The following NPAS3 variants were observed in gnomAD, a reference collection of about 807,000 sequenced individuals.
NPAS3 encodes neuronal PAS domain-containing protein 3.
In NPAS3, 14 loss-of-function variants were observed where a neutral mutation model predicts 73.1. The observed-to-expected ratio is 0.19, with a 90% confidence interval of 0.13 to 0.30. NPAS3 has a LOEUF of 0.30. Among genes scored for constraint, NPAS3 ranks in the 10% least tolerant of loss-of-function variants. The pLI is 1.00. For missense variants in NPAS3, 1,096 were observed against 1,250.0 expected (o/e 0.88, Z 1.86); for synonymous variants, 620 against 541.5 (o/e 1.14, Z -2.01).
intron 3 of NPAS3, among the ~76,000 whole-genome samples, chr14:33,349,872 G>C (rs2044946281): frequency 6.6e-6 from 1 of 152,164 alleles, no homozygotes; most frequent in Non-Finnish European, 1.5e-5. Flanking sequence ...TACAGTCTCT[G>C]GGCGGAATTG....
chr14:33,660,337 A>G (rs1049531594), intron 5 of NPAS3, among the ~76,000 whole-genome samples: 1 of 152,038 alleles, frequency 6.6e-6, no homozygotes, highest in Admixed American at 6.6e-5. Context: ...ATTTCTCATA[A>G]CTCATTTCTA....
intron 4 of NPAS3, among the ~76,000 whole-genome samples, chr14:33,498,351 C>T (rs1259776163): frequency 6.6e-6 from 1 of 152,136 alleles, no homozygotes; most frequent in Non-Finnish European, 1.5e-5. Context: ...GGTATATACC[C>T]AAAGGCTTAT....
At chr14:33,125,840 T>C (rs1595502137) in intron 2 of NPAS3, among the ~76,000 whole-genome samples, 1 of 152,204 alleles carries the variant, frequency 6.6e-6, no homozygotes, top group African/African-American at 2.4e-5. Context: ...AATAGTAATG[T>C]TTTAGATAGA....
intron 9 of NPAS3, among the ~76,000 whole-genome samples, chr14:33,780,179 C>G (rs1046545885): frequency 2.0e-4 from 31 of 152,216 alleles, no homozygotes; most frequent in African/African-American, 6.8e-4. Flanking sequence ...CTACTCCCAA[C>G]ACGGAGTGTG....
At chr14:33,381,536 G>A (rs2046553210) in intron 4 of NPAS3, among the ~76,000 whole-genome samples, 1 of 152,152 alleles carries the variant, frequency 6.6e-6, no homozygotes, top group Non-Finnish European at 1.5e-5. Context: ...ATATAGTTAG[G>A]TTGTTTTTGG....
chr14:33,423,100 G>T (rs751860264), intron 4 of NPAS3, among the ~76,000 whole-genome samples: 2 of 152,006 alleles, frequency 1.3e-5, no homozygotes, highest in African/African-American at 2.4e-5. Flanking sequence ...ATGAGGAGCA[G>T]AATCCGCTGG....
intron 2 of NPAS3, among the ~76,000 whole-genome samples, chr14:33,197,767 C>T (rs1459764964): frequency 6.6e-6 from 1 of 152,184 alleles, no homozygotes; most frequent in African/African-American, 2.4e-5. Flanking sequence ...TTGTAAGTAT[C>T]CTGCCATCTT....
At chr14:33,476,267 A>G (rs532410729) in intron 4 of NPAS3, among the ~76,000 whole-genome samples, 62 of 152,310 alleles carry the variant, frequency 4.1e-4, no homozygotes, top group African/African-American at 1.2e-3. Context: ...CATTCCCTCT[A>G]TGCTCATTGT....
chr14:33,537,130 A>G (rs943777326), intron 4 of NPAS3, among the ~76,000 whole-genome samples: 23 of 152,174 alleles, frequency 1.5e-4, no homozygotes, highest in Admixed American at 6.5e-4. Flanking sequence ...TTCCCCCTCC[A>G]TGTAGACAAT....
chr14:33,065,582 T>G (rs2041249188), intron 2 of NPAS3, among the ~76,000 whole-genome samples: 1 of 152,068 alleles, frequency 6.6e-6, no homozygotes, highest in South Asian at 2.1e-4. Context: ...GTATATCAAT[T>G]TGAGAATTCT....
At chr14:33,472,829 G>GA (rs1050635035) in intron 4 of NPAS3, among the ~76,000 whole-genome samples, 14 of 147,264 alleles carry the variant, frequency 9.5e-5, no homozygotes, top group East Asian at 2.0e-4. Flanking sequence ...GTGCAAAGCA[G>GA]AAAAAAAAAG....
Position 33,557,785 on chromosome 14 carries a change from C to T in NPAS3, c.469-2336C>T, listed in dbSNP as rs191303589. Among the ~76,000 whole-genome samples the T allele has an allele frequency of 6.5e-3, 997 of 152,232 alleles. 15 individuals carry two copies. The highest frequency in any genetic ancestry group is 0.019 in the South Asian group (93 of 4,816). On this transcript the variant is annotated intron_variant, in intron 4 of 11. Coordinates refer to ENST00000356141, the Ensembl canonical transcript of NPAS3. Reference sequence around the variant, plus strand: ...GAGATCAAGGCCATCCTGGCTAACACGGTGAAACCCCGTCTCTACTAAAAA... The same window carrying T: ...GAGATCAAGGCCATCCTGGCTAACATGGTGAAACCCCGTCTCTACTAAAAA...
chr14:33,689,597 AAC>A (rs2060178746), intron 6 of NPAS3, among the ~76,000 whole-genome samples: 1 of 152,150 alleles, frequency 6.6e-6, no homozygotes, highest in African/African-American at 2.4e-5. Context: ...CTTCTGAAAA[AAC>A]ACAGACGCAC....
chr14:33,487,952 A>G (rs1415337620), intron 4 of NPAS3, among the ~76,000 whole-genome samples: 2 of 152,188 alleles, frequency 1.3e-5, no homozygotes, highest in African/African-American at 2.4e-5. Flanking sequence ...CTACAAGTGT[A>G]TATTTGTTGA....
intron 4 of NPAS3, among the ~76,000 whole-genome samples, chr14:33,408,339 T>C (rs529504653): frequency 1.3e-5 from 2 of 152,228 alleles, no homozygotes; most frequent in African/African-American, 2.4e-5. Context: ...GTGGGTTGAG[T>C]ATTTCATCAC....
intron 4 of NPAS3, among the ~76,000 whole-genome samples, chr14:33,404,101 G>T (rs1271467366): frequency 6.6e-6 from 1 of 152,092 alleles, no homozygotes; most frequent in East Asian, 1.9e-4. Flanking sequence ...AAATTTTTTT[G>T]TCTCTAACTG....
At chr14:33,342,220 G>C (rs769672950) in intron 3 of NPAS3, among the ~76,000 whole-genome samples, 6 of 152,190 alleles carry the variant, frequency 3.9e-5, no homozygotes, top group Non-Finnish European at 8.8e-5. Context: ...TCTGTGTGTT[G>C]AGGTGATCAT....
intron 4 of NPAS3, among the ~76,000 whole-genome samples, chr14:33,535,314 G>A (rs1310919440): frequency 6.6e-6 from 1 of 152,164 alleles, no homozygotes; most frequent in Non-Finnish European, 1.5e-5. Context: ...AAATGTATTT[G>A]ACTAGACTAG....
At chr14:33,229,283 T>C (rs1157024880) in intron 3 of NPAS3, among the ~76,000 whole-genome samples, 1 of 152,204 alleles carries the variant, frequency 6.6e-6, no homozygotes, top group Non-Finnish European at 1.5e-5. Context: ...TTGCTTTTCA[T>C]AGAGATGGAA....
Sources: gnomAD v4.1 joint callset for allele counts (sites outside exome capture counted in the v4.1 genomes callset) on GRCh38, gnomAD v4.1.1 for gene constraint, MANE v1.5 for transcripts, NCBI Gene and HGNC (gene_info 2026-07-23, HGNC 2026-07-21) for gene names.